Variants in ZNF653 observed in about 807,000 individuals in gnomAD.
The protein encoded by ZNF653 is 67 kDa zinc finger protein.
ZNF653 carries 37 observed loss-of-function variants against 59.9 expected under a neutral mutation model. The ratio of observed to expected loss-of-function variants is 0.62; its 90% CI spans 0.48 to 0.81. The LOEUF is 0.81. ZNF653 is among the 40% of genes least tolerant of loss of function. The pLI, the probability that ZNF653 is intolerant of heterozygous loss-of-function variation, is 0.00. For synonymous variants in ZNF653, 435 were observed against 371.8 expected (o/e 1.17, Z -1.96); for missense variants, 808 against 881.1 (o/e 0.92, Z 1.05).
At chr19:11,501,556 C>T (rs1180463988) in intron 1 of ZNF653, among the ~76,000 whole-genome samples, 2 of 152,146 alleles carry the variant, frequency 1.3e-5, no homozygotes, top group Non-Finnish European at 2.9e-5. Context: ...CTCACTGGAA[C>T]TCCTCCAGTC....
At chr19:11,488,391 C>A (rs1245182629) in intron 3 of ZNF653, among the ~76,000 whole-genome samples, 1 of 151,986 alleles carries the variant, frequency 6.6e-6, no homozygotes, top group African/African-American at 2.4e-5. Context: ...CCACCCACCT[C>A]TGCCTCCCAA....
In ZNF653 at chr19:11,495,741, C is replaced by A. The variant is rs1971579859; in HGVS notation, c.559+209G>T. ...TGGCAAACTGCTCCATAAAGAGGGACTGCCTCCCCACTCAAGCTCTGTAAG... is the reference window on the plus strand; with the variant it reads ...TGGCAAACTGCTCCATAAAGAGGGAATGCCTCCCCACTCAAGCTCTGTAAG... On this transcript the variant is annotated intron_variant, in intron 3 of 8. Coordinates refer to ENST00000293771, the MANE Select transcript of ZNF653 (RefSeq NM_138783.4). The surrounding 1 kb of genome is among the most constrained non-coding windows in gnomAD (Gnocchi z 4.9). 1.7e-6 allele frequency: 1 copy of A among 584,994 alleles called. No individual in the cohort carries two copies. The highest frequency in any genetic ancestry group is 2.9e-5 in the East Asian group (1 of 34,372). 36.2% of individuals were successfully genotyped at this position (584,994 alleles called of 1,614,324 possible). A position where few individuals can be genotyped will look rare whatever the true frequency, so the allele number is the denominator to read the frequency against.
rs1432106091 is a variant in ZNF653 at position 11,505,570 on chromosome 19, G to A, written c.217C>T (p.Arg73Trp). 3 of 1,514,172 alleles carry A rather than the reference G, an allele frequency of 2.0e-6. No homozygotes were observed. The highest frequency in any genetic ancestry group is 2.6e-6 in the Non-Finnish European group (3 of 1,140,878). 93.8% of individuals were successfully genotyped at this position (1,514,172 alleles called of 1,614,324 possible). A position where few individuals can be genotyped will look rare whatever the true frequency, so the allele number is the denominator to read the frequency against. Residue 73 changes from arginine to tryptophan, a missense_variant, in exon 1 of 9, where the codon CGG becomes TGG. Coordinates refer to ENST00000293771, the MANE Select transcript of ZNF653 (RefSeq NM_138783.4). ...GCGTCGCTCCAGCCGCTGCGGCGCC[G>A]CAGGTCCACCCAGGGCCCGTGCGCC... ...GEAHGPWVDL[R>W]RRSGWSDAKL...
chr19:11,499,537 G>A (rs931768094), intron 1 of ZNF653, among the ~76,000 whole-genome samples: 1 of 151,510 alleles, frequency 6.6e-6, no homozygotes, highest in African/African-American at 2.4e-5. Context: ...GGCTGAGGCA[G>A]GAGGACTGCT....
Position 11,487,913 on chromosome 19 carries a change from C to A in ZNF653, c.560-10G>T. 6.4e-7 allele frequency: 1 copy of A among 1,565,378 alleles called. No homozygotes were observed. The highest frequency in any genetic ancestry group is 8.7e-7 in the Non-Finnish European group (1 of 1,155,228). On this transcript the variant is annotated splice_polypyrimidine_tract_variant and intron_variant, in intron 3 of 8. Transcript: ENST00000293771. The surrounding 1 kb of genome is among the most constrained non-coding windows in gnomAD (Gnocchi z 5.1). Reference sequence around the variant, plus strand: ...ACCAGCCCATTGCCCACTGTGGGGACAGAAGAAAGGGAGTGGTTATGATAG... The same window carrying A: ...ACCAGCCCATTGCCCACTGTGGGGAAAGAAGAAAGGGAGTGGTTATGATAG...
Position 11,497,359 on chromosome 19 carries a change from G to A in ZNF653, c.343+937C>T, listed in dbSNP as rs74809310. 2.4e-4 allele frequency among the ~76,000 whole-genome samples: 36 copies of A among 152,326 alleles called. No individual in the cohort carries two copies. The East Asian group carries it at 6.2e-3, about 26-fold the overall frequency. ...GCTGGATGAGAGAACGCTGCATAGC[G>A]GGCGGGCATGGTGGAGCCGGACCGC... On this transcript the variant is annotated intron_variant, in intron 2 of 8. Coordinates refer to ENST00000293771, the MANE Select transcript of ZNF653 (RefSeq NM_138783.4).
In ZNF653 at chr19:11,485,785, G is replaced by A. The variant is rs749607691; in HGVS notation, c.1456-15C>T. 14 of 1,600,616 alleles carry A rather than the reference G, an allele frequency of 8.7e-6. No individual in the cohort carries two copies. Among genetic ancestry groups the A allele is most frequent in the South Asian group, 5.5e-5 (5 of 90,818 alleles). ...TTGACGTGGTTCTGGAGACGAGACA[G>A]GCAGAAGTGGGTCCCATAGGCCCAC... On this transcript the variant is annotated splice_polypyrimidine_tract_variant and intron_variant, in intron 6 of 8. Transcript: ENST00000293771.
At chr19:11,490,786 A>G (rs1490558742) in intron 3 of ZNF653, among the ~76,000 whole-genome samples, 2 of 152,056 alleles carry the variant, frequency 1.3e-5, no homozygotes, top group Admixed American at 1.3e-4. Context: ...AGATTCTTCC[A>G]TCTCATTGGC....
chr19:11,492,874 T>C (rs1012908703), intron 3 of ZNF653, among the ~76,000 whole-genome samples: 17 of 152,108 alleles, frequency 1.1e-4, no homozygotes, highest in African/African-American at 4.1e-4. Flanking sequence ...GCCTGCCAAG[T>C]AGCTGGAAGT....
Position 11,496,163 on chromosome 19 carries a change from G to C in ZNF653, c.346C>G (p.Arg116Gly). Residue 116 changes from arginine (R) to glycine (G), a missense_variant and splice_region_variant, in exon 3 of 9, where the codon CGG becomes GGG. Transcript: ENST00000293771. ...TTCAGGCAGTTCACGTTGCGTCGCC[G>C]CCCTATGGACACAGGGCCGAGGAGT... The part of the protein sequence containing the change: ...VPKKPKRKKR[R>G]RRNVNCLKNV... 6.2e-7 allele frequency: 1 copy of C among 1,613,272 alleles called. No homozygotes were observed.
chr19:11,486,160 C>T (rs1243673847), intron 6 of ZNF653, among the ~76,000 whole-genome samples: 1 of 152,088 alleles, frequency 6.6e-6, no homozygotes, highest in African/African-American at 2.4e-5. Flanking sequence ...AGGGTTTCAC[C>T]GTGTTAACCA....
chr19:11,501,359 T>G (rs1325834147), intron 1 of ZNF653, among the ~76,000 whole-genome samples: 1 of 151,900 alleles, frequency 6.6e-6, no homozygotes, highest in African/African-American at 2.4e-5. Flanking sequence ...TTGTACTTTT[T>G]GTAGAGATCG....
intron 8 of ZNF653, 77 bp from the exon 9 acceptor site, chr19:11,483,936 G>C: frequency 6.6e-7 from 1 of 1,518,224 alleles, no homozygotes; most frequent in Non-Finnish European, 8.8e-7. Flanking sequence ...GCCGAGCGCA[G>C]GTGGAACCGG....
intron 1 of ZNF653, among the ~76,000 whole-genome samples, chr19:11,498,546 C>T (rs1305797435): frequency 4.6e-5 from 7 of 151,482 alleles, no homozygotes; most frequent in African/African-American, 1.7e-4. Flanking sequence ...CAGGTTCCAG[C>T]GATTCTCCTG....
In ZNF653 at chr19:11,505,668, G is replaced by T. The variant is rs1246903609; in HGVS notation, c.119C>A (p.Thr40Lys). 11 of 1,493,252 alleles carry T rather than the reference G, an allele frequency of 7.4e-6. No homozygotes were observed. The highest frequency in any genetic ancestry group is 4.4e-5 in the African/African-American group (3 of 68,428). 92.5% of individuals were successfully genotyped at this position (1,493,252 alleles called of 1,614,324 possible). ...CCGTCGCCGGGCCCGGTCCGACTCC[G>T]TGAGTCGCGGCCGGCCCCGCGCCTT... ...GRKARGRPRL[T>K]ESDRARRRLE... Residue 40 changes from threonine to lysine, a missense_variant, in exon 1 of 9, where the codon ACG becomes AAG. Physicochemically the swap from Thr to Lys is moderately conservative, Grantham distance 78. Coordinates refer to ENST00000293771, the MANE Select transcript of ZNF653 (RefSeq NM_138783.4).
chr19:11,486,119 A>G (rs1001594458), intron 6 of ZNF653, among the ~76,000 whole-genome samples: 1 of 151,732 alleles, frequency 6.6e-6, no homozygotes, highest in African/African-American at 2.4e-5. Flanking sequence ...CCCGGCTGCT[A>G]TTATTTTTTT....
In ZNF653 at chr19:11,485,779, G is replaced by C. The variant is rs778301320; in HGVS notation, c.1456-9C>G. 1 of 1,608,990 alleles carries C rather than the reference G, an allele frequency of 6.2e-7. No individual in the cohort carries two copies. The highest frequency in any genetic ancestry group is 1.7e-5 in the Admixed American group (1 of 59,958). On this transcript the variant is annotated splice_polypyrimidine_tract_variant and intron_variant, in intron 6 of 8. Coordinates refer to ENST00000293771, the MANE Select transcript of ZNF653 (RefSeq NM_138783.4). ...ACAAGATTGACGTGGTTCTGGAGAC[G>C]AGACAGGCAGAAGTGGGTCCCATAG...
chr19:11,495,661 C>T lies in ZNF653; in HGVS notation c.559+289G>A. On this transcript the variant is annotated intron_variant, in intron 3 of 8. Coordinates refer to ENST00000293771, the MANE Select transcript of ZNF653 (RefSeq NM_138783.4). This position sits in a 1 kb window ranked among gnomAD's most constrained non-coding sequence, Gnocchi z 4.9. ...GCCTGCCCCCGCCCCAGCTGCCAAG[C>T]CAGGGCTCCTGGGCCCTCAGCCAGC... 2.3e-6 allele frequency: 1 copy of T among 439,508 alleles called. No individual in the cohort carries two copies. The highest frequency in any genetic ancestry group is 4.2e-6 in the Non-Finnish European group (1 of 237,444). The allele number at this position is 439,508 out of a possible 1,614,324, so 27.2% of individuals were successfully genotyped here.
chr19:11,490,047 A>C (rs1404087225), intron 3 of ZNF653, among the ~76,000 whole-genome samples: 1 of 152,220 alleles, frequency 6.6e-6, no homozygotes, highest in Admixed American at 6.5e-5. Context: ...GCTCAGTCCC[A>C]CAAGACCGCC....
Sources: allele counts gnomAD v4.1 joint callset (sites outside exome capture counted in the v4.1 genomes callset), GRCh38; gene constraint gnomAD v4.1.1; non-coding constraint Gnocchi (gnomAD v3.1); transcripts MANE v1.5; gene names NCBI Gene and HGNC (gene_info 2026-07-23, HGNC 2026-07-21).